Variants in DNAH6 observed in about 807,000 individuals in gnomAD.
The protein encoded by DNAH6 is dynein axonemal heavy chain 6.
Under a neutral mutation model 491.4 loss-of-function variants are expected in DNAH6, and 340 were observed. The observed-to-expected ratio is 0.69, with a 90% CI of 0.63 to 0.76. DNAH6 has a LOEUF of 0.76. Among genes scored for constraint, DNAH6 ranks in the 30% least tolerant of loss-of-function variants. The probability of loss-of-function intolerance (pLI) is 0.00; values close to 1 mark genes in which losing one functional copy is unlikely to be tolerated. For missense variants in DNAH6, 4,443 were observed against 4,972.2 expected, an observed-to-expected ratio of 0.89 and a Z score of 3.20; for synonymous variants, 1,603 against 1,686.1, an observed-to-expected ratio of 0.95 and a Z score of 1.21.
chr2:84,808,405 T>C lies in DNAH6; in HGVS notation c.11612-10T>C. 6.5e-7 allele frequency: 1 copy of C among 1,527,530 alleles called. No homozygotes were observed. The highest frequency in any genetic ancestry group is 8.8e-7 in the Non-Finnish European group (1 of 1,137,284). 94.6% of individuals were successfully genotyped at this position (1,527,530 alleles called of 1,614,324 possible). A position where few individuals can be genotyped will look rare whatever the true frequency, so the allele number is the denominator to read the frequency against. On this transcript the variant is annotated splice_polypyrimidine_tract_variant and intron_variant, in intron 71 of 76. Coordinates refer to ENST00000389394, the MANE Select transcript of DNAH6 (RefSeq NM_001370.2). The stretch of plus-strand genomic sequence containing the variant: ...GTGACTGGCCTGAGGAATCGCTGTG[T>C]ATGTTTCAGAAAAACTGGAAATGGA...
At chr2:84,660,743 T>C (rs376398964) in intron 37 of DNAH6, among the ~76,000 whole-genome samples, 88 of 152,308 alleles carry the variant, frequency 5.8e-4, no homozygotes, top group African/African-American at 1.9e-3. Context: ...GCTTCTGTGA[T>C]ATTTATTTCA....
intron 12 of DNAH6, among the ~76,000 whole-genome samples, chr2:84,576,789 C>T (rs998134973): frequency 6.6e-6 from 1 of 152,186 alleles, no homozygotes; most frequent in African/African-American, 2.4e-5. Flanking sequence ...GCAGGAATGG[C>T]AGAGAGATGT....
At chr2:84,629,714 A>G (rs1294298701) in intron 29 of DNAH6, among the ~76,000 whole-genome samples, 2 of 152,212 alleles carry the variant, frequency 1.3e-5, no homozygotes, top group Non-Finnish European at 1.5e-5. Context: ...GATCACCTCT[A>G]GTACCCAGAC....
chr2:84,735,197 A>G (rs555275183), intron 62 of DNAH6, among the ~76,000 whole-genome samples: 24 of 152,330 alleles, frequency 1.6e-4, no homozygotes, highest in African/African-American at 5.5e-4. Flanking sequence ...AATGGCCTCC[A>G]GCTGTATGCA....
chr2:84,811,630 G>A (rs1679984133), intron 72 of DNAH6, among the ~76,000 whole-genome samples: 1 of 152,146 alleles, frequency 6.6e-6, no homozygotes, highest in African/African-American at 2.4e-5. Context: ...GGAGGCTAAG[G>A]TGGGCAGATC....
chr2:84,735,155 G>A (rs542928605), intron 62 of DNAH6, among the ~76,000 whole-genome samples: 68 of 152,202 alleles, frequency 4.5e-4, no homozygotes, highest in South Asian at 2.3e-3. Flanking sequence ...ACAGTATTTG[G>A]TTTTCTGTTT....
chr2:84,480,953 ACT>A, the DNAH6 span, among the ~76,000 whole-genome samples: 1 of 149,970 alleles, frequency 6.7e-6, no homozygotes, highest in African/African-American at 2.5e-5. Context: ...CCAGAGCAAG[ACT>A]CTGTCTCAAA....
intron 72 of DNAH6, among the ~76,000 whole-genome samples, chr2:84,812,045 C>T (rs1212467088): frequency 6.6e-6 from 1 of 152,142 alleles, no homozygotes; most frequent in African/African-American, 2.4e-5. Flanking sequence ...GAGTGCTGGA[C>T]AGTGGCATTT....
At chr2:84,607,895 G>A (rs1382091211) in intron 21 of DNAH6, among the ~76,000 whole-genome samples, 1 of 152,042 alleles carries the variant, frequency 6.6e-6, no homozygotes, top group Non-Finnish European at 1.5e-5. Flanking sequence ...AAAAATCTTT[G>A]TAGCATGCAA....
chr2:84,817,758 A>G (rs1680630690), intron 76 of DNAH6, among the ~76,000 whole-genome samples: 2 of 152,196 alleles, frequency 1.3e-5, no homozygotes, highest in African/African-American at 4.8e-5. Context: ...GGATGCTTCC[A>G]CTCATAGCAG....
intron 42 of DNAH6, among the ~76,000 whole-genome samples, 179 bp downstream of exon 42, chr2:84,681,707 A>G (rs530886547): frequency 8.7e-5 from 13 of 149,840 alleles, no homozygotes; most frequent in Admixed American, 2.0e-4. Context: ...ACTGCCTCCC[A>G]TTTCTCACTC....
intron 60 of DNAH6, among the ~76,000 whole-genome samples, chr2:84,723,911 G>T (rs1263365504): frequency 1.3e-5 from 2 of 152,182 alleles, no homozygotes; most frequent in East Asian, 3.8e-4. Context: ...TTTTGCTAAA[G>T]ACTTCCAGGG....
intron 47 of DNAH6, 40 bp from the exon 48 acceptor site, chr2:84,699,554 T>A (rs1169306759): frequency 2.6e-6 from 4 of 1,517,016 alleles, no homozygotes; most frequent in Non-Finnish European, 3.6e-6. Flanking sequence ...TGTTGCTTAA[T>A]CATTATTTTA....
intron 18 of DNAH6, among the ~76,000 whole-genome samples, chr2:84,598,084 AACTCGTGGTT>A (rs1166776223): frequency 7.0e-6 from 1 of 142,606 alleles, no homozygotes; most frequent in Non-Finnish European, 1.5e-5. Flanking sequence ...TGAGAAAGTG[AACTCGTGGTT>A]ACTCGTGGAA....
intron 70 of DNAH6, among the ~76,000 whole-genome samples, chr2:84,799,772 T>A (rs1678709873): frequency 6.6e-6 from 1 of 152,148 alleles, no homozygotes; most frequent in South Asian, 2.1e-4. Flanking sequence ...AATGGGGGTG[T>A]GATGCCAGCC....
In DNAH6 at chr2:84,745,257, A is replaced by AT. The variant is rs1217618011; in HGVS notation, c.10512+15dup. On this transcript the variant is annotated intron_variant, in intron 63 of 76. Transcript: ENST00000389394. ...TGTTGTAAAGAAGAAAAGGTAGGGCATTTTTTTAATTAAAGGACTGTGTTA... is the reference window on the plus strand; with the variant it reads ...TGTTGTAAAGAAGAAAAGGTAGGGCATTTTTTTTAATTAAAGGACTGTGTTA... 6.8e-6 allele frequency: 10 copies of AT among 1,461,016 alleles called. No homozygotes were observed. Among genetic ancestry groups the AT allele is most frequent in the Non-Finnish European group, 9.1e-6 (10 of 1,100,758 alleles). The allele number at this position is 1,461,016 out of a possible 1,614,324, so 90.5% of individuals were successfully genotyped here.
chr2:84,697,464 A>G, intron 46 of DNAH6, 111 bp from the exon 47 acceptor site: 1 of 1,169,224 alleles, frequency 8.6e-7, no homozygotes, highest in Non-Finnish European at 1.2e-6. Flanking sequence ...TTTTAAGATT[A>G]TCTTCTCTTA....
At chr2:84,712,604 GT>G (rs1697150039) in intron 56 of DNAH6, among the ~76,000 whole-genome samples, 5 of 139,466 alleles carry the variant, frequency 3.6e-5, no homozygotes, top group Non-Finnish European at 8.4e-5. Flanking sequence ...TTTTGTTTTG[GT>G]TTAGTGTTTT....
At chr2:84,730,621 A>G (rs779788463) in intron 61 of DNAH6, among the ~76,000 whole-genome samples, 2 of 152,214 alleles carry the variant, frequency 1.3e-5, no homozygotes, top group African/African-American at 4.8e-5. Flanking sequence ...GTTGGGCCAC[A>G]TTCAAAACCG....
Sources: gnomAD v4.1 joint callset for allele counts (sites outside exome capture counted in the v4.1 genomes callset) on GRCh38, gnomAD v4.1.1 for gene constraint, MANE v1.5 for transcripts, NCBI Gene and HGNC (gene_info 2026-07-23, HGNC 2026-07-21) for gene names.